Variants in L3MBTL3 observed in about 807,000 individuals in gnomAD.
L3MBTL3 encodes the protein lethal(3)malignant brain tumor-like protein 3.
A neutral mutation model predicts 102.3 loss-of-function variants in L3MBTL3; 27 were observed. The ratio of observed to expected loss-of-function variants is 0.26; its 90% confidence interval spans 0.19 to 0.36. The LOEUF (loss-of-function observed/expected upper bound fraction) is 0.36. L3MBTL3 is among the 10% of genes least tolerant of loss of function. L3MBTL3 has a pLI of 1.00. For synonymous variants in L3MBTL3, 340 were observed against 320.9 expected, an observed-to-expected ratio of 1.06 and a Z score of -0.64; for missense variants, 798 against 955.3, an observed-to-expected ratio of 0.84 and a Z score of 2.17.
At chr6:130,086,116 C>A (rs763136960) in intron 15 of L3MBTL3, 24 bp from the exon 16 acceptor site, 1 of 1,479,672 alleles carries the variant, frequency 6.8e-7, no homozygotes, top group African/African-American at 1.4e-5. Flanking sequence ...TTATCTCACT[C>A]TGTAAAATTT....
chr6:130,078,473 C>T, intron 13 of L3MBTL3, 85 bp from the exon 14 acceptor site: 1 of 906,162 alleles, frequency 1.1e-6, no homozygotes, highest in African/African-American at 1.7e-5. Context: ...GTAAAGTGCT[C>T]ATGATCTCTA....
chr6:130,118,776 A>G (rs1372109203), intron 19 of L3MBTL3, among the ~76,000 whole-genome samples: 1 of 152,224 alleles, frequency 6.6e-6, no homozygotes, highest in Non-Finnish European at 1.5e-5. Context: ...ATGAAGCAAC[A>G]TAAATTATGT....
rs774678258 is a variant in L3MBTL3, at chr6:130,071,118, A to T, written c.1235A>T (p.Tyr412Phe). ...CATTTTGACAACTGGGATGAGAGCT[A>T]TGACTATTGGTGAGACATTTTCTGT... is the stretch of plus-strand genomic sequence containing the variant. ...LVHFDNWDESYDYWCEASSPH... is the reference protein window; with the variant it reads ...LVHFDNWDESFDYWCEASSPH... Residue 412 changes from tyrosine to phenylalanine, a missense_variant, in exon 13 of 23, where the codon TAT becomes TTT. Coordinates refer to ENST00000361794, the MANE Select transcript of L3MBTL3 (RefSeq NM_032438.4). The T allele has an allele frequency of 1.7e-5, 27 of 1,611,618 alleles. No homozygotes were observed. The highest frequency in any genetic ancestry group is 2.3e-5 in the Non-Finnish European group (27 of 1,178,612).
intron 20 of L3MBTL3, among the ~76,000 whole-genome samples, chr6:130,127,142 A>G (rs1786659338): frequency 6.6e-6 from 1 of 152,220 alleles, no homozygotes; most frequent in Non-Finnish European, 1.5e-5. Context: ...TGCCCTGAGA[A>G]GAATAGATGA....
At chr6:130,074,265 T>G (rs1180302813) in intron 13 of L3MBTL3, among the ~76,000 whole-genome samples, 3 of 152,214 alleles carry the variant, frequency 2.0e-5, no homozygotes, top group Admixed American at 2.0e-4. Flanking sequence ...ATAAAACATT[T>G]CTAACTTCCA....
At chr6:130,034,062 A>C (rs1054806749) in intron 2 of L3MBTL3, among the ~76,000 whole-genome samples, 1 of 152,080 alleles carries the variant, frequency 6.6e-6, no homozygotes, top group Non-Finnish European at 1.5e-5. Flanking sequence ...TCTTCCCTTC[A>C]TCTCAGCCCC....
chr6:130,109,958 G>A (rs902640297), intron 19 of L3MBTL3, among the ~76,000 whole-genome samples: 22 of 152,224 alleles, frequency 1.4e-4, no homozygotes, highest in Middle Eastern at 3.4e-3. Context: ...ATAGAAAATC[G>A]TTTCCCGCTT....
chr6:130,055,285 T>A, intron 8 of L3MBTL3, 30 bp downstream of exon 8: 1 of 1,536,428 alleles, frequency 6.5e-7, no homozygotes, highest in Non-Finnish European at 8.9e-7. Context: ...GTCTTACTTG[T>A]AACTTTATGA....
chr6:130,092,655 A>G, intron 16 of L3MBTL3, 90 bp from the exon 17 acceptor site: 1 of 720,998 alleles, frequency 1.4e-6, no homozygotes. Flanking sequence ...TGTATGTGTT[A>G]GAATGAAAAT....
At chr6:130,109,471 G>C (rs1298001717) in intron 19 of L3MBTL3, among the ~76,000 whole-genome samples, 1 of 152,114 alleles carries the variant, frequency 6.6e-6, no homozygotes, top group East Asian at 1.9e-4. Flanking sequence ...TGATGAGCTT[G>C]TTTTCACATG....
intron 2 of L3MBTL3, among the ~76,000 whole-genome samples, chr6:130,023,585 G>A (rs1396907591): frequency 1.3e-5 from 2 of 152,164 alleles, no homozygotes; most frequent in African/African-American, 4.8e-5. Flanking sequence ...CCTTGTATAT[G>A]TCACTCTACC....
At chr6:130,041,437 A>G (rs1476454880) in intron 2 of L3MBTL3, among the ~76,000 whole-genome samples, 1 of 152,212 alleles carries the variant, frequency 6.6e-6, no homozygotes, top group African/African-American at 2.4e-5. Flanking sequence ...GCCCAGTGAT[A>G]TGGTTACTCT....
At chr6:130,100,458 G>A (rs1342497629) in intron 18 of L3MBTL3, among the ~76,000 whole-genome samples, 1 of 152,086 alleles carries the variant, frequency 6.6e-6, no homozygotes, top group Non-Finnish European at 1.5e-5. Context: ...GTGAAAATGG[G>A]AGGTTTGTTG....
At chr6:130,096,687 G>T (rs1460544197) in intron 18 of L3MBTL3, among the ~76,000 whole-genome samples, 1 of 152,132 alleles carries the variant, frequency 6.6e-6, no homozygotes, top group Non-Finnish European at 1.5e-5. Context: ...GACCTCCGAG[G>T]GTTCCTCAGC....
chr6:130,099,245 CTG>C (rs1199403905), intron 18 of L3MBTL3, among the ~76,000 whole-genome samples: 1 of 152,128 alleles, frequency 6.6e-6, no homozygotes, highest in Non-Finnish European at 1.5e-5. Context: ...CTATGGGACT[CTG>C]TTCTTCTGCT....
rs561539358 is a variant in L3MBTL3, at chr6:130,140,592, T to C, written c.*839T>C. ...AGGAGTACGCAGTTGTATGCAGTTA[T>C]GGTTGGGGGGAATGTTTGTGAGGGT... On this transcript the variant is annotated 3_prime_UTR_variant, in exon 23 of 23. Coordinates refer to ENST00000361794, the MANE Select transcript of L3MBTL3 (RefSeq NM_032438.4). 5 of 152,324 alleles carry C rather than the reference T, an allele frequency of 3.3e-5. No individual in the cohort carries two copies. Among genetic ancestry groups the C allele is most frequent in the Admixed American group, 6.5e-5 (1 of 15,296 alleles). 9.4% of individuals were successfully genotyped at this position (152,324 alleles called of 1,614,324 possible).
At chr6:130,115,951 A>T (rs2115449493) in intron 19 of L3MBTL3, among the ~76,000 whole-genome samples, 1 of 152,270 alleles carries the variant, frequency 6.6e-6, no homozygotes, top group Admixed American at 6.5e-5. Context: ...AATCTTCATG[A>T]TACCTTATGT....
intron 19 of L3MBTL3, among the ~76,000 whole-genome samples, chr6:130,119,207 C>T (rs76637870): frequency 0.027 from 4,165 of 151,888 alleles, 79 homozygotes; most frequent in Middle Eastern, 0.062. Context: ...CTAGAAAAGC[C>T]ACAATAATTG....
intron 2 of L3MBTL3, among the ~76,000 whole-genome samples, chr6:130,032,250 G>T (rs1779773028): frequency 6.6e-6 from 1 of 152,104 alleles, no homozygotes; most frequent in African/African-American, 2.4e-5. Context: ...AGCACAGATG[G>T]CTTACTACCA....
Sources: gnomAD v4.1 joint callset for allele counts (sites outside exome capture counted in the v4.1 genomes callset) on GRCh38, gnomAD v4.1.1 for gene constraint, MANE v1.5 for transcripts, NCBI Gene and HGNC (gene_info 2026-07-23, HGNC 2026-07-21) for gene names.